Variants in TRIP12 observed in about 807,000 individuals in gnomAD.
TRIP12 encodes the protein E3 ubiquitin-protein ligase TRIP12.
A neutral mutation model predicts 244.2 loss-of-function variants in TRIP12; 25 were observed. The ratio of observed to expected loss-of-function variants is 0.10; its 90% CI spans 0.07 to 0.14. The LOEUF is 0.14. TRIP12 is among the 10% of genes least tolerant of loss of function. The pLI is 1.00. For missense variants in TRIP12, 1,677 were observed against 2,486.4 expected, an observed-to-expected ratio of 0.67 and a Z score of 6.92; for synonymous variants, 905 against 873.1, an observed-to-expected ratio of 1.04 and a Z score of -0.64.
rs145008890 is a variant in TRIP12, at chr2:229,818,493, T to C, written c.1470A>G (p.Leu490=). 146 of 1,614,134 alleles carry C rather than the reference T, an allele frequency of 9.0e-5. No homozygotes were observed. In the African/African-American group the frequency reaches 1.6e-3, roughly 18 times the overall value. ...GSGASSKAQQ[L]LQGLQASDES... The stretch of plus-strand genomic sequence containing the variant: ...CATCACTGGCTTGCAATCCTTGTAG[T>C]AGCTGCTGGGCCTTAGAACCTTTAG... The change falls in exon 9 of 42, where the codon CTA becomes CTG. Residue 490 remains leucine (L), a synonymous_variant. Coordinates refer to ENST00000675903, the MANE Select transcript of TRIP12 (RefSeq NM_001348323.3).
chr2:229,894,470 A>C (rs1232254500), intron 1 of TRIP12: 1 of 152,102 alleles, frequency 6.6e-6, no homozygotes, highest in Non-Finnish European at 1.5e-5. Context: ...TCAACTCATG[A>C]AATAAGGGAA....
Position 229,785,847 on chromosome 2 carries a change from C to A in TRIP12, c.5004G>T (p.Val1668=). ...APRLDRKKRT[V]NREELLKQAE... ...CCTGTTTCAGCAGCTCCTCTCGGTT[C>A]ACAGTACGCTACAAAGAAAGTACAA... Residue 1668 remains valine, a synonymous_variant, in exon 34 of 42, where the codon GTG becomes GTT. Coordinates refer to ENST00000675903, the MANE Select transcript of TRIP12 (RefSeq NM_001348323.3). 6.2e-7 allele frequency: 1 copy of A among 1,612,956 alleles called. No individual in the cohort carries two copies. The highest frequency in any genetic ancestry group is 1.1e-5 in the South Asian group (1 of 90,904).
At chr2:229,796,051 GC>G (rs372798872) in intron 25 of TRIP12, among the ~76,000 whole-genome samples, 16 of 152,188 alleles carry the variant, frequency 1.1e-4, no homozygotes, top group African/African-American at 3.9e-4. Flanking sequence ...GCTGTCAACA[GC>G]ATCCAAGGAT....
At chr2:229,910,316 T>C (rs2074012693) in intron 1 of TRIP12, among the ~76,000 whole-genome samples, 1 of 152,220 alleles carries the variant, frequency 6.6e-6, no homozygotes, top group African/African-American at 2.4e-5. Context: ...GTTAACTCTG[T>C]AATTATGAAT....
At chr2:229,803,454 G>A (rs1198168932) in intron 20 of TRIP12, 117 bp downstream of exon 20, 17 of 679,244 alleles carry the variant, frequency 2.5e-5, no homozygotes, top group Non-Finnish European at 3.4e-5. Flanking sequence ...TAAGCTAACA[G>A]AGCTTTAAAT....
At chr2:229,887,824 T>C (rs1045885493) in intron 1 of TRIP12, among the ~76,000 whole-genome samples, 3 of 152,238 alleles carry the variant, frequency 2.0e-5, no homozygotes, top group Non-Finnish European at 2.9e-5. Context: ...CATATTTTAA[T>C]TTTGCTATTA....
In TRIP12 at chr2:229,904,301, C is replaced by A. The variant is rs1410439064; in HGVS notation, c.-50+17579G>T. ...GCTATGGTGGCGTGAGCCTGTAGTC[C>A]CAGCTACTTGAAAGGCTGAGGCAGG... On this transcript the variant is annotated intron_variant, in intron 1 of 41. Transcript: ENST00000675903. 2.7e-5 allele frequency among the ~76,000 whole-genome samples: 4 copies of A among 150,454 alleles called. No individual in the cohort carries two copies. In the East Asian group the frequency reaches 6.0e-4, roughly 23 times the overall value.
chr2:229,792,743 C>A (rs2041870807), intron 27 of TRIP12, among the ~76,000 whole-genome samples: 1 of 152,132 alleles, frequency 6.6e-6, no homozygotes, highest in African/African-American at 2.4e-5. Flanking sequence ...GTCATTTCTA[C>A]TACATTTCAC....
At chr2:229,768,500 A>G (rs1433554083) in intron 41 of TRIP12, 116 bp downstream of exon 41, 4 of 865,254 alleles carry the variant, frequency 4.6e-6, no homozygotes, top group Non-Finnish European at 7.3e-6. Context: ...TGATACTGGA[A>G]TAACTAAGAG....
Position 229,851,405 on chromosome 2 carries a change from T to C in TRIP12, c.1027+7367A>G, listed in dbSNP as rs548929535. 3.0e-4 allele frequency among the ~76,000 whole-genome samples: 45 copies of C among 152,162 alleles called. 1 individual carries two copies. Among genetic ancestry groups the C allele is most frequent in the African/African-American group, 9.9e-4 (41 of 41,514 alleles). ...AATCTGGTGGGGACATGGAGAACCT[T>C]TAGTGTCTAGCTCAGGGATTGTAAA... On this transcript the variant is annotated intron_variant, in intron 4 of 41. Coordinates refer to ENST00000675903, the MANE Select transcript of TRIP12 (RefSeq NM_001348323.3).
chr2:229,810,285 G>C (rs976521841), intron 15 of TRIP12, among the ~76,000 whole-genome samples: 1 of 152,194 alleles, frequency 6.6e-6, no homozygotes, highest in African/African-American at 2.4e-5. Flanking sequence ...TCTAAGGATT[G>C]AGAGAGGAAT....
At chr2:229,909,888 A>G (rs78627647) in intron 1 of TRIP12, among the ~76,000 whole-genome samples, 2,145 of 152,318 alleles carry the variant, frequency 0.014, 54 homozygotes, top group African/African-American at 0.048. Flanking sequence ...CCATTTGCTT[A>G]TAATTCACAT....
chr2:229,853,905 TGAG>T (rs1329533496), intron 4 of TRIP12, among the ~76,000 whole-genome samples: 7 of 152,180 alleles, frequency 4.6e-5, no homozygotes, highest in Non-Finnish European at 8.8e-5. Context: ...CGCCAAACTA[TGAG>T]GAGATAATAT....
In TRIP12 at chr2:229,823,758, G is replaced by A. The variant is rs143231179; in HGVS notation, c.1451-5246C>T. Among the ~76,000 whole-genome samples the A allele has an allele frequency of 2.3e-3, 348 of 152,050 alleles. 1 individual carries two copies. Among genetic ancestry groups the A allele is most frequent in the Middle Eastern group, 6.8e-3 (2 of 294 alleles). ...ACCCCAGCAACTTAGAAACTGAAGC[G>A]GGAGGATCACTTGAGGCCAAGGGTC... On this transcript the variant is annotated intron_variant, in intron 8 of 41. Transcript: ENST00000675903.
At chr2:229,852,907 T>C (rs2058980281) in intron 4 of TRIP12, among the ~76,000 whole-genome samples, 2 of 152,200 alleles carry the variant, frequency 1.3e-5, no homozygotes, top group Non-Finnish European at 2.9e-5. Context: ...TCCCAAGTAA[T>C]AGCTGGTCAA....
intron 20 of TRIP12, among the ~76,000 whole-genome samples, 154 bp from the exon 21 acceptor site, chr2:229,802,613 T>G (rs921017157): frequency 1.3e-5 from 2 of 149,808 alleles, no homozygotes; most frequent in Non-Finnish European, 3.0e-5. Context: ...GGAGCCAGAG[T>G]TTTCAACTTG....
intron 1 of TRIP12, among the ~76,000 whole-genome samples, chr2:229,897,454 C>G (rs2069173581): frequency 6.6e-6 from 1 of 152,146 alleles, no homozygotes; most frequent in Non-Finnish European, 1.5e-5. Context: ...TGGAGACCAG[C>G]CTGGCCAATG....
At chr2:229,888,604 G>A (rs1201116580) in intron 1 of TRIP12, among the ~76,000 whole-genome samples, 1 of 152,114 alleles carries the variant, frequency 6.6e-6, no homozygotes, top group Non-Finnish European at 1.5e-5. Flanking sequence ...AAAATGGCGA[G>A]AGCAGCCTGG....
chr2:229,885,774 A>T (rs2065893873), intron 1 of TRIP12, among the ~76,000 whole-genome samples: 1 of 152,154 alleles, frequency 6.6e-6, no homozygotes, highest in Non-Finnish European at 1.5e-5. Context: ...AACAATGACA[A>T]GACAATCCCT....
Sources: gnomAD v4.1 joint callset for allele counts (sites outside exome capture counted in the v4.1 genomes callset) on GRCh38, gnomAD v4.1.1 for gene constraint, MANE v1.5 for transcripts, NCBI Gene and HGNC (gene_info 2026-07-23, HGNC 2026-07-21) for gene names.